Variants in TMEM74 observed in about 807,000 individuals in gnomAD.
TMEM74 encodes the protein transmembrane protein 74.
A neutral mutation model predicts 18.1 loss-of-function variants in TMEM74; 13 were observed. The ratio of observed to expected loss-of-function variants is 0.72; its 90% CI spans 0.47 to 1.14. The LOEUF is 1.14. TMEM74 is among the 50% of genes most tolerant of loss of function. TMEM74 has a pLI of 0.00. For synonymous variants in TMEM74, 159 were observed against 146.6 expected (o/e 1.08, Z -0.61); for missense variants, 372 against 375.9 (o/e 0.99, Z 0.09).
At chr8:108,772,601 G>A (rs992084274) in intron 1 of TMEM74, among the ~76,000 whole-genome samples, 1 of 152,162 alleles carries the variant, frequency 6.6e-6, no homozygotes, top group Non-Finnish European at 1.5e-5. Flanking sequence ...AATCATCCAT[G>A]AGGTTGGCCT....
intron 2 of TMEM74, among the ~76,000 whole-genome samples, chr8:108,617,080 C>A (rs1812391660): frequency 6.6e-6 from 1 of 151,760 alleles, no homozygotes; most frequent in African/African-American, 2.4e-5. Flanking sequence ...TCTTGGAACT[C>A]TTCCGTGATG....
intron 1 of TMEM74, among the ~76,000 whole-genome samples, chr8:108,690,820 C>CA (rs1450138958): frequency 1.1e-4 from 16 of 150,608 alleles, no homozygotes; most frequent in Admixed American, 2.6e-4. Flanking sequence ...GACTTCATCT[C>CA]AAAAAAAATA....
At chr8:108,703,424 T>G (rs1813356300) in intron 1 of TMEM74, among the ~76,000 whole-genome samples, 1 of 152,162 alleles carries the variant, frequency 6.6e-6, no homozygotes. Flanking sequence ...GTGTATTTTG[T>G]CAGGGAAGAG....
intron 1 of TMEM74, among the ~76,000 whole-genome samples, chr8:108,673,024 T>C (rs1395951072): frequency 6.6e-6 from 1 of 152,210 alleles, no homozygotes; most frequent in Non-Finnish European, 1.5e-5. Context: ...TTCAACTTCA[T>C]TTATCTTATG....
chr8:108,775,462 T>A (rs138441986), downstream of TMEM74, among the ~76,000 whole-genome samples: 1 of 152,198 alleles, frequency 6.6e-6, no homozygotes, highest in African/African-American at 2.4e-5. Context: ...TTTGGCAATG[T>A]ATTTCCCTTA....
chr8:108,707,320 A>G (rs1302176121), intron 1 of TMEM74, among the ~76,000 whole-genome samples: 1 of 139,764 alleles, frequency 7.2e-6, no homozygotes, highest in Non-Finnish European at 1.5e-5. Context: ...TGTACCCTAG[A>G]ACTTAAACTA....
chr8:108,677,306 A>G (rs1027147080), intron 1 of TMEM74, among the ~76,000 whole-genome samples: 1 of 152,220 alleles, frequency 6.6e-6, no homozygotes, highest in Non-Finnish European at 1.5e-5. Context: ...AATTGTAATT[A>G]ATTAAACAAA....
At chr8:108,649,530 G>T (rs1160501469) in intron 2 of TMEM74, among the ~76,000 whole-genome samples, 1 of 152,144 alleles carries the variant, frequency 6.6e-6, no homozygotes, top group African/African-American at 2.4e-5. Context: ...CTTTACAAAT[G>T]CCAAAATTGA....
intron 1 of TMEM74, among the ~76,000 whole-genome samples, chr8:108,705,264 A>T (rs2130618579): frequency 6.6e-6 from 1 of 152,352 alleles, no homozygotes; most frequent in Non-Finnish European, 1.5e-5. Context: ...ATGGAAGTCA[A>T]CGAACTTGAT....
At chr8:108,775,808 G>A (rs953739616), downstream of TMEM74, among the ~76,000 whole-genome samples, 5 of 152,156 alleles carry the variant, frequency 3.3e-5, no homozygotes, top group African/African-American at 1.2e-4. Flanking sequence ...TATAAGGTGT[G>A]GCCGAAGGCT....
chr8:108,704,607 T>A (rs1431862844), intron 1 of TMEM74, among the ~76,000 whole-genome samples: 1 of 152,248 alleles, frequency 6.6e-6, no homozygotes, highest in Non-Finnish European at 1.5e-5. Context: ...ATCTACTTTG[T>A]GTTATATGTT....
At chr8:108,658,958 A>G (rs1181039545) in intron 1 of TMEM74, among the ~76,000 whole-genome samples, 1 of 152,186 alleles carries the variant, frequency 6.6e-6, no homozygotes, top group Non-Finnish European at 1.5e-5. Flanking sequence ...GATGATAGCT[A>G]GAAGATGGCA....
intron 1 of TMEM74, among the ~76,000 whole-genome samples, chr8:108,687,892 G>T (rs532956828): frequency 3.5e-4 from 17 of 48,084 alleles, no homozygotes; most frequent in Non-Finnish European, 3.6e-4. Flanking sequence ...AACAGGCCAC[G>T]TACAGGTACC....
chr8:108,630,489 T>A (rs1328714662), intron 2 of TMEM74, among the ~76,000 whole-genome samples: 1 of 152,076 alleles, frequency 6.6e-6, no homozygotes, highest in African/African-American at 2.4e-5. Context: ...CTAATAGACA[T>A]GTACAGAACT....
chr8:108,682,117 C>T (rs956208848), intron 1 of TMEM74, among the ~76,000 whole-genome samples: 1 of 152,074 alleles, frequency 6.6e-6, no homozygotes, highest in Admixed American at 6.6e-5. Flanking sequence ...TACAAAATTT[C>T]TGGTTGTAAC....
chr8:108,674,166 T>C (rs755071271), intron 1 of TMEM74, among the ~76,000 whole-genome samples: 2 of 152,298 alleles, frequency 1.3e-5, no homozygotes, highest in South Asian at 2.1e-4. Flanking sequence ...AATTGTGTTT[T>C]TATATCTTTT....
chr8:108,785,538 G>A (rs969651461), intron 1 of TMEM74, among the ~76,000 whole-genome samples: 6 of 152,164 alleles, frequency 3.9e-5, no homozygotes, highest in African/African-American at 1.4e-4. Flanking sequence ...CAGAGCTGCC[G>A]ATTTTCTGGA....
chr8:108,641,583 T>TA (rs1812665258), intron 2 of TMEM74, among the ~76,000 whole-genome samples: 1 of 152,140 alleles, frequency 6.6e-6, no homozygotes, highest in Admixed American at 6.5e-5. Flanking sequence ...GCTTTGCCCA[T>TA]AATTCTGCAT....
rs186311520 is a variant in TMEM74 at position 108,627,544 on chromosome 8, C to T, written n.265-18718G>A. 6.5e-3 allele frequency among the ~76,000 whole-genome samples: 988 copies of T among 152,110 alleles called. 6 individuals are homozygous for T. The highest frequency in any genetic ancestry group is 0.011 in the Non-Finnish European group (731 of 67,956). ...AGCACAGTGCCTGTTATACAGTAAG[C>T]ACTCAATAGAGTTTAACCATTACTC... On this transcript the variant is annotated intron_variant and non_coding_transcript_variant, in intron 2 of 3. Transcript: ENST00000518838.
Sources: allele counts gnomAD v4.1 joint callset (sites outside exome capture counted in the v4.1 genomes callset), GRCh38; gene constraint gnomAD v4.1.1; transcripts MANE v1.5; gene names NCBI Gene and HGNC (gene_info 2026-07-23, HGNC 2026-07-21).